FAM117B: variants seen among roughly 807,000 people sequenced by gnomAD.
FAM117B encodes the protein family with sequence similarity 117 member B, also known as protein FAM117B.
FAM117B carries 22 observed loss-of-function variants against 52.8 expected under a neutral mutation model. That is an observed-to-expected ratio of 0.42 (90% CI 0.30 to 0.59). FAM117B has a LOEUF of 0.59. Among genes scored for constraint, FAM117B ranks in the 20% least tolerant of loss-of-function variants. FAM117B has a pLI of 0.22. For synonymous variants in FAM117B, 309 were observed against 324.1 expected, an observed-to-expected ratio of 0.95 and a Z score of 0.50; for missense variants, 678 against 802.6, an observed-to-expected ratio of 0.84 and a Z score of 1.88.
chr2:202,764,355 C>G (rs1574308867), intron 7 of FAM117B, among the ~76,000 whole-genome samples: 1 of 152,060 alleles, frequency 6.6e-6, no homozygotes, highest in East Asian at 1.9e-4. Context: ...ACCTCCACCT[C>G]CCAGGGCCAA....
chr2:202,712,158 ATTCT>A (rs1690966601), intron 2 of FAM117B, among the ~76,000 whole-genome samples: 1 of 152,050 alleles, frequency 6.6e-6, no homozygotes, highest in African/African-American at 2.4e-5. Flanking sequence ...AACAATATCT[ATTCT>A]TTTAATCCAT....
chr2:202,741,150 C>CGGT (rs1347488412), intron 4 of FAM117B, among the ~76,000 whole-genome samples: 1 of 152,004 alleles, frequency 6.6e-6, no homozygotes, highest in African/African-American at 2.4e-5. Context: ...ACGCCAGGCG[C>CGGT]GGTGGCTCAT....
intron 4 of FAM117B, among the ~76,000 whole-genome samples, chr2:202,727,603 G>A (rs1296674878): frequency 6.6e-6 from 1 of 152,082 alleles, no homozygotes; most frequent in African/African-American, 2.4e-5. Context: ...GGTATTATAA[G>A]TAATCTGGAG....
At position 202,765,668 on chromosome 2, in the gene FAM117B, C is replaced by A; in HGVS notation, c.1674C>A (p.Asn558Lys). The A allele has an allele frequency of 6.2e-7, 1 of 1,614,160 alleles. No homozygotes were observed. The highest frequency in any genetic ancestry group is 8.5e-7 in the Non-Finnish European group (1 of 1,180,018). ...TTGCTGTGGCCTCCCTGTCTACAAA[C>A]ACAGAGCAAGACCGAGTCTCTCGAG... ...QPIAVASLST[N>K]TEQDRVSRGT... Residue 558 changes from asparagine to lysine, a missense_variant, in exon 8 of 8, where the codon AAC becomes AAA. Asn to Lys is a moderately conservative substitution (Grantham distance 94, BLOSUM62 0). Coordinates refer to ENST00000392238, the MANE Select transcript of FAM117B (RefSeq NM_173511.4).
chr2:202,761,340 C>G (rs984262494), intron 7 of FAM117B, among the ~76,000 whole-genome samples: 1 of 152,074 alleles, frequency 6.6e-6, no homozygotes, highest in African/African-American at 2.4e-5. Context: ...CCTGTGGTAC[C>G]TGCCTTAGAC....
chr2:202,755,443 T>G, intron 4 of FAM117B, 95 bp from the exon 5 acceptor site: 1 of 1,462,680 alleles, frequency 6.8e-7, no homozygotes, highest in South Asian at 1.4e-5. Flanking sequence ...AACTTTGATT[T>G]ATTTTTGAGT....
At chr2:202,755,072 G>A (rs745731764) in intron 4 of FAM117B, among the ~76,000 whole-genome samples, 5 of 151,678 alleles carry the variant, frequency 3.3e-5, no homozygotes, top group Admixed American at 6.6e-5. Flanking sequence ...AGTGGGAGGC[G>A]CTACACACCT....
intron 1 of FAM117B, among the ~76,000 whole-genome samples, chr2:202,691,653 G>GTGTGTGTGTGTA (rs753011730): frequency 0.088 from 4,037 of 46,002 alleles, 97 homozygotes; most frequent in Middle Eastern, 0.12. Context: ...TTTACATTGT[G>GTGTGTGTGTGTA]TGTGTGTGTG....
intron 1 of FAM117B, among the ~76,000 whole-genome samples, chr2:202,681,531 A>G (rs71425955): frequency 0.023 from 3,496 of 152,344 alleles, 61 homozygotes; most frequent in South Asian, 0.052. Context: ...AGTAAGGCAT[A>G]TTACCAAGAA....
chr2:202,740,585 T>C (rs1012581400), intron 4 of FAM117B, among the ~76,000 whole-genome samples: 3 of 152,132 alleles, frequency 2.0e-5, no homozygotes, highest in Admixed American at 1.3e-4. Context: ...TGCCTAATTA[T>C]TACAGGAAAA....
intron 1 of FAM117B, among the ~76,000 whole-genome samples, chr2:202,674,870 C>T (rs971243014): frequency 4.6e-5 from 7 of 152,150 alleles, no homozygotes; most frequent in African/African-American, 1.4e-4. Flanking sequence ...GTTTCTAGAG[C>T]TATAATTCGC....
chr2:202,692,459 T>C (rs573569706), intron 1 of FAM117B, among the ~76,000 whole-genome samples: 13 of 152,334 alleles, frequency 8.5e-5, no homozygotes, highest in African/African-American at 1.4e-4. Flanking sequence ...GAAGATATTA[T>C]GTAGGCACTA....
rs117359862 is a variant in FAM117B, at chr2:202,713,287, T to C, written c.754-11630T>C. 7.0e-4 allele frequency among the ~76,000 whole-genome samples: 106 copies of C among 152,320 alleles called. 2 individuals are homozygous for C. The East Asian group carries it at 0.019, about 27-fold the overall frequency. On this transcript the variant is annotated intron_variant, in intron 2 of 7. Transcript: ENST00000392238. ...TGTGTGTGTCTAGGAATTTATCCAT[T>C]TATTCTAGATTTTACAACGTATTGG...
chr2:202,666,834 A>AT (rs1472452193), intron 1 of FAM117B, among the ~76,000 whole-genome samples: 4 of 151,402 alleles, frequency 2.6e-5, no homozygotes, highest in Non-Finnish European at 5.9e-5. Flanking sequence ...TTTAGTAGAG[A>AT]TAGGGTTTCA....
chr2:202,725,649 T>G (rs1347355270), intron 3 of FAM117B, among the ~76,000 whole-genome samples: 2 of 152,176 alleles, frequency 1.3e-5, no homozygotes, highest in African/African-American at 4.8e-5. Context: ...TATGGTGGTG[T>G]TTCTGAAATG....
Position 202,732,180 on chromosome 2 carries a change from C to T in FAM117B, c.960+5817C>T, listed in dbSNP as rs191375277. On this transcript the variant is annotated intron_variant, in intron 4 of 7. Coordinates refer to ENST00000392238, the MANE Select transcript of FAM117B (RefSeq NM_173511.4). ...TGCCGGGATTACAGGCGTGAGCCAC[C>T]GCGCCTGGCTGGAACTTTGATATAT... 8.1e-4 allele frequency among the ~76,000 whole-genome samples: 123 copies of T among 152,118 alleles called. 5 individuals are homozygous for T. In the East Asian group the frequency reaches 0.021, roughly 26 times the overall value.
rs116272121 is a variant in FAM117B at position 202,708,667 on chromosome 2, G to A, written c.753+12635G>A. ...GTTGCGCAGGCTGAAATACAGTGGC[G>A]TGATCTTAGCTCACTGCAGCCTCGA... On this transcript the variant is annotated intron_variant, in intron 2 of 7. Transcript: ENST00000392238. Among the ~76,000 whole-genome samples the A allele has an allele frequency of 8.5e-3, 1,296 of 152,156 alleles. 23 individuals are homozygous for A. The highest frequency in any genetic ancestry group is 0.029 in the African/African-American group (1,223 of 41,508).
chr2:202,762,607 T>C (rs559180610), intron 7 of FAM117B, among the ~76,000 whole-genome samples: 6 of 152,326 alleles, frequency 3.9e-5, no homozygotes, highest in South Asian at 4.1e-4. Context: ...TTTCTTTCTA[T>C]GTATGGTTTG....
chr2:202,754,307 T>A (rs1490171509), intron 4 of FAM117B, among the ~76,000 whole-genome samples: 3 of 151,998 alleles, frequency 2.0e-5, no homozygotes, highest in Non-Finnish European at 2.9e-5. Flanking sequence ...TTCTCACTCA[T>A]AAGTGGGAGT....
Sources: allele counts gnomAD v4.1 joint callset (sites outside exome capture counted in the v4.1 genomes callset), GRCh38; gene constraint gnomAD v4.1.1; transcripts MANE v1.5; gene names NCBI Gene and HGNC (gene_info 2026-07-23, HGNC 2026-07-21).